Variants in IGBP1 observed in about 807,000 individuals in gnomAD.
The protein encoded by IGBP1 is immunoglobulin-binding protein 1.
In IGBP1, 2 loss-of-function variants were observed where a neutral mutation model predicts 25.9. The observed-to-expected ratio is 0.08, with a 90% CI of 0.03 to 0.24. The LOEUF (loss-of-function observed/expected upper bound fraction) is 0.24. Ranked by LOEUF, IGBP1 falls within the 10% of genes least tolerant of loss-of-function variation. The pLI, the probability that IGBP1 is intolerant of heterozygous loss-of-function variation, is 1.00. For missense variants in IGBP1, 187 were observed against 260.4 expected (o/e 0.72, Z 1.94); for synonymous variants, 96 against 93.4 (o/e 1.03, Z -0.16).
intron 3 of IGBP1, among the ~76,000 whole-genome samples, chrX:70,146,064 G>A (rs1469675554): frequency 2.7e-5 from 3 of 111,908 alleles, no homozygotes; most frequent in Admixed American, 9.6e-5. Context: ...TTTGTCAGAT[G>A]ACATACTAGA....
Position 70,150,198 on chromosome X carries a change from TA to T in IGBP1, c.759-10del. The T allele has an allele frequency of 9.4e-7, 1 of 1,066,055 alleles. No homozygotes were observed. The highest frequency in any genetic ancestry group is 1.3e-6 in the Non-Finnish European group (1 of 763,584). The allele number at this position is 1,066,055 out of a possible 1,213,427, so 87.9% of individuals were successfully genotyped here. On this transcript the variant is annotated splice_polypyrimidine_tract_variant and intron_variant, in intron 5 of 6. Coordinates refer to ENST00000356413, the MANE Select transcript of IGBP1 (RefSeq NM_001551.3). ...GTTTTTTTGTTTTCTAAATGCAGCG[TA>T]ATTTTTGCAGAGTATTTGGAGCTGG...
At chrX:70,162,769 TTCAAGACCAGC>T (rs1248384162) in intron 6 of IGBP1, among the ~76,000 whole-genome samples, 1 of 111,585 alleles carries the variant, frequency 9.0e-6, no homozygotes, top group Admixed American at 9.5e-5. Context: ...AGGTCAGAAG[TTCAAGACCAGC>T]CTGGCCAATG....
intron 6 of IGBP1, among the ~76,000 whole-genome samples, chrX:70,153,040 GAA>G (rs2085213268): frequency 8.9e-6 from 1 of 111,917 alleles, no homozygotes; most frequent in Non-Finnish European, 1.9e-5. Context: ...ACACCAGAGA[GAA>G]AGAGGAAATT....
At chrX:70,159,142 A>G (rs893645885) in intron 6 of IGBP1, among the ~76,000 whole-genome samples, 2 of 112,043 alleles carry the variant, frequency 1.8e-5, no homozygotes, top group Admixed American at 1.9e-4. Flanking sequence ...CTTGGGGAAC[A>G]TGAATCATTT....
intron 3 of IGBP1, among the ~76,000 whole-genome samples, chrX:70,135,314 A>G (rs1222833205): frequency 2.7e-5 from 3 of 111,974 alleles, no homozygotes; most frequent in Non-Finnish European, 5.6e-5. Flanking sequence ...TTTAAACAAC[A>G]TTTAATGGGT....
intron 6 of IGBP1, among the ~76,000 whole-genome samples, chrX:70,163,581 A>G (rs924323689): frequency 6.3e-5 from 7 of 111,902 alleles, no homozygotes; most frequent in East Asian, 2.8e-4. Flanking sequence ...AAACCCCCCA[A>G]TAAATGAATG....
intron 3 of IGBP1, among the ~76,000 whole-genome samples, chrX:70,141,576 G>A (rs774648246): frequency 3.2e-4 from 36 of 111,454 alleles, no homozygotes; most frequent in African/African-American, 1.2e-3. Flanking sequence ...TAATTATGTC[G>A]TTGTATATAA....
At chrX:70,162,044 A>G (rs1032999938) in intron 6 of IGBP1, among the ~76,000 whole-genome samples, 2 of 112,261 alleles carry the variant, frequency 1.8e-5, no homozygotes, top group African/African-American at 6.5e-5. Context: ...TTTTATGTAG[A>G]TACTCCTGCT....
At chrX:70,155,075 A>G (rs759924336) in intron 6 of IGBP1, among the ~76,000 whole-genome samples, 2 of 112,365 alleles carry the variant, frequency 1.8e-5, no homozygotes, top group East Asian at 5.6e-4. Context: ...GAATGGCCAA[A>G]TCCAGAGCAC....
chrX:70,134,246 C>A, intron 2 of IGBP1, 111 bp downstream of exon 2: 1 of 706,844 alleles, frequency 1.4e-6, no homozygotes. Flanking sequence ...ACGTTTCGTT[C>A]CTACTTACCA....
chrX:70,136,222 A>T (rs1301453987), intron 3 of IGBP1, among the ~76,000 whole-genome samples: 1 of 111,658 alleles, frequency 9.0e-6, no homozygotes, highest in Non-Finnish European at 1.9e-5. Flanking sequence ...AATGGTACAG[A>T]TGGTCCCCGA....
intron 5 of IGBP1, 42 bp from the exon 6 acceptor site, chrX:70,150,168 T>A: frequency 1.2e-6 from 1 of 822,663 alleles, no homozygotes; most frequent in South Asian, 2.1e-5. Context: ...TATTTTTGTT[T>A]TTTTGTTTTT....
intron 6 of IGBP1, among the ~76,000 whole-genome samples, chrX:70,155,494 C>CAAA (rs57946963): frequency 2.5e-4 from 9 of 36,487 alleles, no homozygotes; most frequent in African/African-American, 6.4e-4. Flanking sequence ...GACTCTGTCT[C>CAAA]AAAAAAAAAA....
intron 6 of IGBP1, among the ~76,000 whole-genome samples, chrX:70,162,614 T>C (rs1248300842): frequency 1.8e-5 from 2 of 112,561 alleles, no homozygotes; most frequent in African/African-American, 6.5e-5. Flanking sequence ...TCAGTACTAT[T>C]TTCTCAATTT....
intron 6 of IGBP1, chrX:70,163,720 A>C (rs1031702315): frequency 9.0e-6 from 1 of 111,267 alleles, no homozygotes; most frequent in African/African-American, 3.3e-5. Flanking sequence ...ACTTGAGTCA[A>C]ATCAAGCCTC....
intron 4 of IGBP1, among the ~76,000 whole-genome samples, chrX:70,148,351 A>G (rs780776466): frequency 2.7e-5 from 3 of 112,056 alleles, no homozygotes; most frequent in Non-Finnish European, 5.6e-5. Context: ...GCATAAGTAC[A>G]TTGGAAGAGG....
At chrX:70,144,903 C>A (rs2085156568) in intron 3 of IGBP1, among the ~76,000 whole-genome samples, 1 of 108,056 alleles carries the variant, frequency 9.3e-6, no homozygotes, top group South Asian at 4.1e-4. Flanking sequence ...CATGATGCAC[C>A]CACCTCAGCC....
At chrX:70,141,979 G>T (rs2085133032) in intron 3 of IGBP1, among the ~76,000 whole-genome samples, 1 of 111,358 alleles carries the variant, frequency 9.0e-6, no homozygotes, top group Admixed American at 9.6e-5. Context: ...GGCTAGGTTA[G>T]GATTTAAACC....
intron 3 of IGBP1, among the ~76,000 whole-genome samples, chrX:70,144,893 C>G (rs2085156485): frequency 9.3e-6 from 1 of 108,098 alleles, no homozygotes; most frequent in African/African-American, 3.4e-5. Context: ...CTCCTGACCT[C>G]ATGATGCACC....
Sources: gnomAD v4.1 joint callset for allele counts (sites outside exome capture counted in the v4.1 genomes callset) on GRCh38, gnomAD v4.1.1 for gene constraint, MANE v1.5 for transcripts, NCBI Gene and HGNC (gene_info 2026-07-23, HGNC 2026-07-21) for gene names.